Variants in RBBP8 observed in about 807,000 individuals in gnomAD.
RBBP8 encodes the protein RB binding protein 8, endonuclease.
A neutral mutation model predicts 108.3 loss-of-function variants in RBBP8; 88 were observed. The observed-to-expected ratio is 0.81, with a 90% CI of 0.68 to 0.97. RBBP8 has a LOEUF of 0.97. Among genes scored for constraint, RBBP8 ranks in the 50% least tolerant of loss-of-function variants. RBBP8 has a pLI of 0.00. For synonymous variants in RBBP8, 332 were observed against 348.2 expected (o/e 0.95, Z 0.52); for missense variants, 1,023 against 1,049.0 (o/e 0.98, Z 0.34).
chr18:23,006,991 G>A, intron 16 of RBBP8, among the ~76,000 whole-genome samples: 1 of 150,716 alleles, frequency 6.6e-6, no homozygotes. Context: ...GCTTTTGTGT[G>A]TGTGCGTGTG....
chr18:22,937,788 ATTAT>A (rs1012550095), intron 2 of RBBP8, among the ~76,000 whole-genome samples: 13 of 141,920 alleles, frequency 9.2e-5, no homozygotes, highest in East Asian at 7.9e-4. Flanking sequence ...CAAAGATCTC[ATTAT>A]TTATTTATTT....
At chr18:22,920,880 G>C (rs1359269770) in intron 3 of RBBP8, 1 of 152,144 alleles carries the variant, frequency 6.6e-6, no homozygotes, top group African/African-American at 2.4e-5. Flanking sequence ...GCCTATAACA[G>C]AGAATGAGCA....
At chr18:22,989,384 A>G (rs1225636903) in intron 9 of RBBP8, 66 bp downstream of exon 9, 2 of 1,169,054 alleles carry the variant, frequency 1.7e-6, no homozygotes, top group Non-Finnish European at 2.5e-6. Context: ...CAGTTCTTAG[A>G]GAATTAAGCA....
intron 8 of RBBP8, among the ~76,000 whole-genome samples, chr18:22,988,072 C>T (rs758393389): frequency 2.6e-5 from 4 of 152,166 alleles, no homozygotes; most frequent in Non-Finnish European, 2.9e-5. Flanking sequence ...CTTACTGATT[C>T]CACCTCCTGC....
At chr18:22,984,767 A>G (rs1915198666) in intron 7 of RBBP8, 119 bp from the exon 8 acceptor site, 1 of 590,078 alleles carries the variant, frequency 1.7e-6, no homozygotes, top group Admixed American at 3.1e-5. Context: ...CAGTACTTAT[A>G]TTGGATTTAA....
chr18:22,927,173 T>C (rs566495117), intron 3 of RBBP8, among the ~76,000 whole-genome samples: 3 of 152,382 alleles, frequency 2.0e-5, no homozygotes, highest in Non-Finnish European at 4.4e-5. Flanking sequence ...CTTAAAATAG[T>C]TATGACTGCA....
At chr18:22,946,167 G>A (rs1440091917) in intron 2 of RBBP8, among the ~76,000 whole-genome samples, 1 of 152,156 alleles carries the variant, frequency 6.6e-6, no homozygotes, top group Non-Finnish European at 1.5e-5. Flanking sequence ...TTCATTTACA[G>A]TGAACTTCTA....
At chr18:22,992,419 C>A (rs1409058590) in intron 10 of RBBP8, among the ~76,000 whole-genome samples, 2 of 152,194 alleles carry the variant, frequency 1.3e-5, no homozygotes, top group Non-Finnish European at 2.9e-5. Context: ...TGGCCTCGAA[C>A]TTCTGGCCTC....
intron 7 of RBBP8, among the ~76,000 whole-genome samples, chr18:22,982,727 T>C (rs1915023136): frequency 6.6e-6 from 1 of 152,256 alleles, no homozygotes; most frequent in Non-Finnish European, 1.5e-5. Flanking sequence ...TGTTAATTTC[T>C]ACCTCCTGTG....
At chr18:22,975,553 G>A (rs1013711896) in intron 6 of RBBP8, among the ~76,000 whole-genome samples, 1 of 151,968 alleles carries the variant, frequency 6.6e-6, no homozygotes, top group African/African-American at 2.4e-5. Context: ...CTTCATAAGG[G>A]CAAACTGAAT....
intron 3 of RBBP8, among the ~76,000 whole-genome samples, chr18:22,920,125 C>A (rs1362605284): frequency 1.3e-5 from 2 of 151,718 alleles, no homozygotes; most frequent in Non-Finnish European, 2.9e-5. Context: ...GAGTTCAAGA[C>A]CAGCCTGGGA....
intron 6 of RBBP8, among the ~76,000 whole-genome samples, chr18:22,981,559 G>A (rs114588060): frequency 3.2e-4 from 48 of 152,178 alleles, no homozygotes; most frequent in Non-Finnish European, 5.1e-4. Flanking sequence ...AAATAGTGCC[G>A]GGCAGTGTAA....
chr18:22,929,066 A>C (rs1337640803), upstream of RBBP8, among the ~76,000 whole-genome samples: 1 of 152,232 alleles, frequency 6.6e-6, no homozygotes, highest in Non-Finnish European at 1.5e-5. Flanking sequence ...TAAGGTGAAC[A>C]AGACTGGAAG....
In RBBP8 at chr18:22,919,059, T is replaced by C. The variant is rs536527318; in HGVS notation, c.-154+2033T>C. On this transcript the variant is annotated intron_variant, in intron 3 of 4. Coordinates refer to the RBBP8 transcript ENST00000577588. Reference sequence around the variant, plus strand: ...ATGAGCAGAGTGAGTCCAAAATGTATAGAGCACAAGAAGATAGAAGAGGAT... The same window carrying C: ...ATGAGCAGAGTGAGTCCAAAATGTACAGAGCACAAGAAGATAGAAGAGGAT... Among the ~76,000 whole-genome samples the C allele has an allele frequency of 2.2e-4, 33 of 152,318 alleles. No individual in the cohort carries two copies. The South Asian group carries it at 4.6e-3, about 21-fold the overall frequency.
chr18:22,960,593 TA>T (rs1010613862), intron 4 of RBBP8, among the ~76,000 whole-genome samples: 1 of 152,096 alleles, frequency 6.6e-6, no homozygotes, highest in Non-Finnish European at 1.5e-5. Context: ...AGTCTCCCTT[TA>T]TAAAAAAAAA....
chr18:22,975,289 A>G, intron 6 of RBBP8, 70 bp downstream of exon 6: 1 of 1,566,868 alleles, frequency 6.4e-7, no homozygotes, highest in South Asian at 1.2e-5. Flanking sequence ...TAACTGTAAG[A>G]GTTGCAGATT....
chr18:22,980,963 G>GTT (rs1567975146), intron 6 of RBBP8, among the ~76,000 whole-genome samples: 1 of 26,496 alleles, frequency 3.8e-5, no homozygotes, highest in African/African-American at 9.0e-5. Context: ...AGCCACTTAT[G>GTT]TCTTTTTTTT....
At chr18:23,003,681 G>A (rs936998256) in intron 15 of RBBP8, among the ~76,000 whole-genome samples, 3 of 152,114 alleles carry the variant, frequency 2.0e-5, no homozygotes, top group African/African-American at 4.8e-5. Context: ...CCAATTTTCT[G>A]ATAAAATCTT....
intron 8 of RBBP8, among the ~76,000 whole-genome samples, chr18:22,985,648 G>T (rs1915273992): frequency 6.6e-6 from 1 of 152,138 alleles, no homozygotes; most frequent in Admixed American, 6.5e-5. Flanking sequence ...AAGACTGGGA[G>T]CCGCAGGTGT....
Sources: gnomAD v4.1 joint callset for allele counts (sites outside exome capture counted in the v4.1 genomes callset) on GRCh38, gnomAD v4.1.1 for gene constraint, MANE v1.5 for transcripts, NCBI Gene and HGNC (gene_info 2026-07-23, HGNC 2026-07-21) for gene names.